Variants in CNTNAP2 observed in about 807,000 individuals in gnomAD.
CNTNAP2 encodes contactin-associated protein-like 2.
In CNTNAP2, 98 loss-of-function variants were observed where a neutral mutation model predicts 155.2. That is an observed-to-expected ratio of 0.63 (90% CI 0.54 to 0.75). The LOEUF (loss-of-function observed/expected upper bound fraction) is 0.75. Among genes scored for constraint, CNTNAP2 ranks in the 30% least tolerant of loss-of-function variants. CNTNAP2 has a pLI of 0.00. For synonymous variants in CNTNAP2, 651 were observed against 631.2 expected, an observed-to-expected ratio of 1.03 and a Z score of -0.47; for missense variants, 1,727 against 1,688.1, an observed-to-expected ratio of 1.02 and a Z score of -0.40.
chr7:146,418,186 C>A (rs1049519911), intron 1 of CNTNAP2, among the ~76,000 whole-genome samples: 3 of 152,182 alleles, frequency 2.0e-5, no homozygotes, highest in African/African-American at 7.2e-5. Context: ...CAGTTTTCAG[C>A]TAGGGGCCAA....
At chr7:146,470,185 T>G (rs1484480251) in intron 1 of CNTNAP2, among the ~76,000 whole-genome samples, 1 of 152,180 alleles carries the variant, frequency 6.6e-6, no homozygotes, top group African/African-American at 2.4e-5. Context: ...CTTTATAAAT[T>G]TAATCACACA....
At chr7:147,484,542 T>A (rs938549318) in intron 10 of CNTNAP2, among the ~76,000 whole-genome samples, 1 of 152,256 alleles carries the variant, frequency 6.6e-6, no homozygotes, top group African/African-American at 2.4e-5. Context: ...CGTAGTCATC[T>A]TCTATTTTCC....
intron 9 of CNTNAP2, among the ~76,000 whole-genome samples, chr7:147,345,870 G>A (rs894808502): frequency 2.6e-5 from 4 of 152,132 alleles, no homozygotes; most frequent in Admixed American, 6.5e-5. Flanking sequence ...TTATTTTGTA[G>A]CAAGGAACTA....
intron 1 of CNTNAP2, among the ~76,000 whole-genome samples, chr7:146,767,955 T>C (rs895314807): frequency 6.6e-6 from 1 of 152,082 alleles, no homozygotes. Flanking sequence ...AGTCACGCCT[T>C]TCACCAAAAA....
At chr7:146,873,258 A>G (rs562126756) in intron 3 of CNTNAP2, among the ~76,000 whole-genome samples, 2 of 97,376 alleles carry the variant, frequency 2.1e-5, no homozygotes, top group African/African-American at 1.1e-4. Context: ...CGTCTACAAA[A>G]AGAATTTTAT....
intron 1 of CNTNAP2, among the ~76,000 whole-genome samples, chr7:146,352,031 A>T (rs1794922378): frequency 6.6e-6 from 1 of 152,202 alleles, no homozygotes; most frequent in South Asian, 2.1e-4. Context: ...TTCAAGGGTT[A>T]AGTACATTTT....
intron 13 of CNTNAP2, among the ~76,000 whole-genome samples, chr7:147,802,350 C>T (rs574202260): frequency 0.18 from 26,469 of 150,212 alleles, 2,345 homozygotes; most frequent in Middle Eastern, 0.25. Flanking sequence ...CAGGCAGAGA[C>T]ACTCCTCACC....
rs534027308 is a variant in CNTNAP2, at chr7:147,189,793, G to T, written c.1348+57284G>T. ...GGAGTCTCACTCTGTCGCCCAGGCT[G>T]GAGTGCAGTGGCGCGATCTCGGCTC... On this transcript the variant is annotated intron_variant, in intron 8 of 23. Transcript: ENST00000361727. Among the ~76,000 whole-genome samples the T allele has an allele frequency of 3.4e-4, 51 of 152,234 alleles. 1 individual carries two copies. The highest frequency in any genetic ancestry group is 1.1e-3 in the African/African-American group (46 of 41,546).
chr7:147,690,129 C>T (rs879830469), intron 13 of CNTNAP2, among the ~76,000 whole-genome samples: 6 of 152,106 alleles, frequency 3.9e-5, no homozygotes, highest in Non-Finnish European at 7.4e-5. Flanking sequence ...AGGATAAATT[C>T]CAGATCCTTA....
At chr7:146,260,803 C>G (rs1342182068) in intron 1 of CNTNAP2, among the ~76,000 whole-genome samples, 1 of 152,112 alleles carries the variant, frequency 6.6e-6, no homozygotes, top group African/African-American at 2.4e-5. Context: ...TGGGTTAATC[C>G]TGGAATTAGT....
intron 13 of CNTNAP2, among the ~76,000 whole-genome samples, chr7:147,890,911 A>T (rs1799678931): frequency 6.6e-6 from 1 of 152,188 alleles, no homozygotes. Flanking sequence ...AATACAGTGC[A>T]TTGCATTTTG....
intron 15 of CNTNAP2, among the ~76,000 whole-genome samples, chr7:148,056,220 T>C (rs1029190718): frequency 1.3e-5 from 2 of 152,180 alleles, no homozygotes; most frequent in Admixed American, 6.5e-5. Context: ...TGCCCTTCCA[T>C]TTGCTGTGGA....
At chr7:146,529,195 A>G (rs191552434) in intron 1 of CNTNAP2, among the ~76,000 whole-genome samples, 1 of 152,190 alleles carries the variant, frequency 6.6e-6, no homozygotes, top group Admixed American at 6.5e-5. Flanking sequence ...GGTCCCACTT[A>G]TGAGAAACTT....
intron 22 of CNTNAP2, among the ~76,000 whole-genome samples, chr7:148,393,317 GTTAT>G (rs971446408): frequency 3.3e-5 from 5 of 152,036 alleles, no homozygotes; most frequent in African/African-American, 4.8e-5. Context: ...TTTTTATTAT[GTTAT>G]TTGTCTTTTT....
intron 10 of CNTNAP2, among the ~76,000 whole-genome samples, chr7:147,408,284 G>A (rs1797043298): frequency 6.6e-6 from 1 of 152,208 alleles, no homozygotes; most frequent in South Asian, 2.1e-4. Context: ...GGTTGGGATG[G>A]AGATGGCAGA....
intron 1 of CNTNAP2, among the ~76,000 whole-genome samples, chr7:146,641,274 C>T (rs533225708): frequency 2.0e-5 from 3 of 152,036 alleles, no homozygotes; most frequent in Non-Finnish European, 4.4e-5. Flanking sequence ...TGCAGTGAGC[C>T]GAGATCGCAC....
At chr7:148,171,676 G>A (rs1805797093) in intron 17 of CNTNAP2, among the ~76,000 whole-genome samples, 1 of 152,168 alleles carries the variant, frequency 6.6e-6, no homozygotes, top group African/African-American at 2.4e-5. Flanking sequence ...GCTGATTTCT[G>A]TGTAAAGTTA....
intron 2 of CNTNAP2, among the ~76,000 whole-genome samples, chr7:146,817,676 G>T (rs1310990071): frequency 6.6e-6 from 1 of 151,968 alleles, no homozygotes; most frequent in Non-Finnish European, 1.5e-5. Context: ...AGGAAGGGCA[G>T]GGAGATGCTA....
At chr7:146,365,685 T>C (rs1314102408) in intron 1 of CNTNAP2, among the ~76,000 whole-genome samples, 3 of 152,212 alleles carry the variant, frequency 2.0e-5, no homozygotes, top group African/African-American at 7.2e-5. Context: ...ATGAAAAATG[T>C]GAACTATAAT....
Sources: allele counts gnomAD v4.1 joint callset (sites outside exome capture counted in the v4.1 genomes callset), GRCh38; gene constraint gnomAD v4.1.1; transcripts MANE v1.5; gene names NCBI Gene and HGNC (gene_info 2026-07-23, HGNC 2026-07-21).